The following TSEN2 variants were observed in gnomAD, a reference collection of about 807,000 sequenced individuals.
The protein encoded by TSEN2 is tRNA-splicing endonuclease subunit Sen2.
In TSEN2, 54 loss-of-function variants were observed where a neutral mutation model predicts 59.2. That is an observed-to-expected ratio of 0.91 (90% CI 0.73 to 1.14). TSEN2 has a LOEUF of 1.14. TSEN2 is among the 50% of genes most tolerant of loss of function. TSEN2 has a pLI of 0.00. For synonymous variants in TSEN2, 195 were observed against 198.2 expected, an observed-to-expected ratio of 0.98 and a Z score of 0.14; for missense variants, 636 against 576.2, an observed-to-expected ratio of 1.10 and a Z score of -1.06.
At chr3:12,529,741 T>A in intron 9 of TSEN2, 21 bp from the exon 10 acceptor site, 1 of 1,607,914 alleles carries the variant, frequency 6.2e-7, no homozygotes, top group African/African-American at 1.3e-5. Context: ...ACTTTTAACA[T>A]GCTTTTTCTG....
upstream of TSEN2, among the ~76,000 whole-genome samples, chr3:12,480,449 T>A: frequency 6.6e-6 from 1 of 151,902 alleles, no homozygotes; most frequent in Non-Finnish European, 1.5e-5. Flanking sequence ...TTCCCTGACC[T>A]CCAACCGACA....
chr3:12,513,111 C>G (rs773875894), intron 6 of TSEN2, among the ~76,000 whole-genome samples: 1 of 152,174 alleles, frequency 6.6e-6, no homozygotes, highest in Non-Finnish European at 1.5e-5. Context: ...AGTGCCTAGT[C>G]GCATTTTGCA....
At position 12,516,446 on chromosome 3, in the gene TSEN2, ATGTGTG is replaced by A. The variant is rs68107346; in HGVS notation, c.910-128_910-123del. ...TTTCAAAAACAAACAAACAAAATATATGTGTGTGTGTGTGTGTGTGTGTGTGTGTGT... is the reference window on the plus strand; with the variant it reads ...TTTCAAAAACAAACAAACAAAATATATGTGTGTGTGTGTGTGTGTGTGTGT... On this transcript the variant is annotated intron_variant, in intron 6 of 11. Transcript: ENST00000284995. Among the ~76,000 whole-genome samples, 4,258 of 126,366 alleles carry A rather than the reference ATGTGTG, an allele frequency of 0.034. 91 individuals carry two copies. Among genetic ancestry groups the A allele is most frequent in the African/African-American group, 0.062 (2,043 of 32,902 alleles). The allele number at this position is 126,366 out of a possible 152,430, so 82.9% of individuals were successfully genotyped here. A position where few individuals can be genotyped will look rare whatever the true frequency, so the allele number is the denominator to read the frequency against.
chr3:12,512,057 C>A (rs1015521058), intron 6 of TSEN2, among the ~76,000 whole-genome samples: 8 of 152,146 alleles, frequency 5.3e-5, no homozygotes, highest in Non-Finnish European at 1.2e-4. Flanking sequence ...CCTCAGTTTC[C>A]TCAGATGTAA....
intron 6 of TSEN2, chr3:12,514,835 G>A (rs905171552): frequency 6.6e-6 from 1 of 152,106 alleles, no homozygotes. Flanking sequence ...CCCATACCTT[G>A]ACATAAATAC....
At chr3:12,504,239 A>C (rs914530883) in intron 5 of TSEN2, among the ~76,000 whole-genome samples, 1 of 152,226 alleles carries the variant, frequency 6.6e-6, no homozygotes, top group African/African-American at 2.4e-5. Flanking sequence ...TGAGATACCC[A>C]TTCAAAGAAA....
intron 6 of TSEN2, chr3:12,514,701 T>G (rs2055866870): frequency 6.6e-6 from 1 of 152,116 alleles, no homozygotes; most frequent in African/African-American, 2.4e-5. Context: ...TTAAAAATAA[T>G]AATAGTGATG....
exon 11 of TSEN2, chr3:12,539,599 T>C (rs1354189842): frequency 6.2e-6 from 1 of 160,926 alleles, no homozygotes; most frequent in Non-Finnish European, 1.4e-5. Flanking sequence ...TTCATTGCTC[T>C]GTGAATAAAA....
chr3:12,489,380 C>T (rs571512528), intron 1 of TSEN2, among the ~76,000 whole-genome samples: 1 of 152,234 alleles, frequency 6.6e-6, no homozygotes, highest in South Asian at 2.1e-4. Flanking sequence ...CTTTGTCTCC[C>T]CAGCACCTAT....
At chr3:12,528,793 GAAGAA>G (rs1559362182) in intron 8 of TSEN2, 90 bp from the exon 9 acceptor site, 1 of 1,315,652 alleles carries the variant, frequency 7.6e-7, no homozygotes, top group African/African-American at 1.5e-5. Flanking sequence ...TCCTTTTGGA[GAAGAA>G]AAGTTAATAA....
At position 12,492,192 on chromosome 3, in the gene TSEN2, T is replaced by C; in HGVS notation, c.246T>C (p.Asp82=). Residue 82 remains aspartate, a synonymous_variant, in exon 3 of 12, where the codon GAT becomes GAC. Coordinates refer to ENST00000284995, the MANE Select transcript of TSEN2 (RefSeq NM_025265.4). ...SRSRPSFTIS[D]PKLVAKWKDM... is the part of the protein sequence containing the mutation. The stretch of plus-strand genomic sequence containing the variant: ...GCCGTCCAAGCTTCACAATTTCAGA[T>C]CCTAAACTGGTTGCTAAATGGAAAG... The C allele has an allele frequency of 6.2e-7, 1 of 1,614,118 alleles. No homozygotes were observed. The highest frequency in any genetic ancestry group is 8.5e-7 in the Non-Finnish European group (1 of 1,179,958).
At position 12,532,884 on chromosome 3, in the gene TSEN2, A is replaced by ATCTTTCTCCTCCCTTGT; in HGVS notation, c.*163_*164insTCTTTCTCCTCCCTTGT. The ATCTTTCTCCTCCCTTGT allele has an allele frequency of 2.8e-6, 2 of 715,472 alleles. No individual in the cohort carries two copies. The highest frequency in any genetic ancestry group is 4.8e-6 in the Non-Finnish European group (2 of 415,730). The allele number at this position is 715,472 out of a possible 1,614,324, so 44.3% of individuals were successfully genotyped here. A position where few individuals can be genotyped will look rare whatever the true frequency, so the allele number is the denominator to read the frequency against. On this transcript the variant is annotated 3_prime_UTR_variant, in exon 12 of 12. Coordinates refer to ENST00000284995, the MANE Select transcript of TSEN2 (RefSeq NM_025265.4). ...TTTTTAAAGATAAATTACACAAGGG[A>ATCTTTCTCCTCCCTTGT]GGAGAAAGATCCCTGTGCTAGGACT...
At chr3:12,513,554 A>G (rs563670623) in intron 6 of TSEN2, among the ~76,000 whole-genome samples, 69 of 152,344 alleles carry the variant, frequency 4.5e-4, no homozygotes, top group African/African-American at 1.6e-3. Flanking sequence ...TAGATGAGGC[A>G]TGGAGAATTT....
intron 2 of TSEN2, among the ~76,000 whole-genome samples, chr3:12,490,625 A>G (rs1280391169): frequency 1.3e-5 from 2 of 152,240 alleles, no homozygotes; most frequent in Non-Finnish European, 1.5e-5. Context: ...ACAACTATAA[A>G]GTCCTCCCAT....
chr3:12,503,610 T>C lies in TSEN2; in HGVS notation c.657T>C (p.His219=), dbSNP rs754200115. Reference sequence around the variant, plus strand: ...GAGAGGATGCCTCACCTCTGCCCCATGTCTGTTGCTGCAAACAAGATGCTC... The same window carrying C: ...GAGAGGATGCCTCACCTCTGCCCCACGTCTGTTGCTGCAAACAAGATGCTC... The part of the protein sequence containing the change: ...SVREDASPLP[H]VCCCKQDALI... The change falls in exon 5 of 12, where the codon CAT becomes CAC. Residue 219 remains histidine (H), a synonymous_variant. Coordinates refer to ENST00000284995, the MANE Select transcript of TSEN2 (RefSeq NM_025265.4). 1.4e-5 allele frequency: 23 copies of C among 1,594,454 alleles called. No individual in the cohort carries two copies. The highest frequency in any genetic ancestry group is 1.7e-4 in the Middle Eastern group (1 of 5,972).
intron 3 of TSEN2, among the ~76,000 whole-genome samples, chr3:12,495,154 A>AT (rs1227263551): frequency 4.1e-5 from 6 of 144,698 alleles, no homozygotes; most frequent in Non-Finnish European, 7.6e-5. Context: ...AAAAAGTTAA[A>AT]TTTTTACAAG....
At chr3:12,516,369 T>C (rs2056080112) in intron 6 of TSEN2, among the ~76,000 whole-genome samples, 1 of 151,946 alleles carries the variant, frequency 6.6e-6, no homozygotes, top group Admixed American at 6.6e-5. Flanking sequence ...GAGCTTGCAG[T>C]GAGCGGAGAT....
At chr3:12,501,709 C>T (rs949851447) in intron 4 of TSEN2, among the ~76,000 whole-genome samples, 1 of 152,086 alleles carries the variant, frequency 6.6e-6, no homozygotes, top group Non-Finnish European at 1.5e-5. Context: ...GAGCACTGTT[C>T]AGTCTTCTTA....
At chr3:12,530,882 C>A in intron 10 of TSEN2, 2 of 387,872 alleles carry the variant, frequency 5.2e-6, no homozygotes, top group Non-Finnish European at 7.1e-6. Flanking sequence ...TATTTGAAGA[C>A]CTGCTGTACA....
Sources: allele counts gnomAD v4.1 joint callset (sites outside exome capture counted in the v4.1 genomes callset), GRCh38; gene constraint gnomAD v4.1.1; transcripts MANE v1.5; gene names NCBI Gene and HGNC (gene_info 2026-07-23, HGNC 2026-07-21).